The following MRPL33 variants were observed in gnomAD, a reference collection of about 807,000 sequenced individuals.
MRPL33 encodes large ribosomal subunit protein bL33m.
MRPL33 carries 5 observed loss-of-function variants against 10.1 expected under a neutral mutation model. The ratio of observed to expected loss-of-function variants is 0.49; its 90% CI spans 0.26 to 1.04. The LOEUF (loss-of-function observed/expected upper bound fraction) is 1.04, where lower values mean the gene tolerates loss of function less well. Among genes scored for constraint, MRPL33 ranks in the 50% least tolerant of loss-of-function variants. MRPL33 has a pLI of 0.14. For missense variants in MRPL33, 79 were observed against 78.1 expected, an observed-to-expected ratio of 1.01 and a Z score of -0.04; for synonymous variants, 24 against 27.7, an observed-to-expected ratio of 0.87 and a Z score of 0.42.
chr2:27,776,406 A>G (rs976835308), intron 3 of MRPL33, among the ~76,000 whole-genome samples: 3 of 152,262 alleles, frequency 2.0e-5, no homozygotes, highest in Non-Finnish European at 4.4e-5. Context: ...TTTTACTGTG[A>G]TGAGTAAATT....
intron 2 of MRPL33, among the ~76,000 whole-genome samples, chr2:27,773,568 T>C (rs1677092978): frequency 6.6e-6 from 1 of 152,244 alleles, no homozygotes; most frequent in Non-Finnish European, 1.5e-5. Flanking sequence ...CAACTCACCT[T>C]CCATACAGTA....
At position 27,779,596 on chromosome 2, in the gene MRPL33, C is replaced by A; in HGVS notation, c.*114C>A. The A allele has an allele frequency of 6.4e-7, 1 of 1,574,772 alleles. No homozygotes were observed. The highest frequency in any genetic ancestry group is 2.3e-5 in the East Asian group (1 of 44,418). On this transcript the variant is annotated 3_prime_UTR_variant, in exon 4 of 4. Transcript: ENST00000296102. ...AGAGGAAATGGCATGGAATCACTGCCTCCTGTGATTTGAAGGCCATTGTGA... is the reference window on the plus strand; with the variant it reads ...AGAGGAAATGGCATGGAATCACTGCATCCTGTGATTTGAAGGCCATTGTGA...
chr2:27,772,152 C>T (rs1158750600), intron 1 of MRPL33: 8 of 324,424 alleles, frequency 2.5e-5, no homozygotes, highest in Admixed American at 1.3e-4. Context: ...ATAAGGAAAC[C>T]GCTCCCGAGA....
At position 27,771,877 on chromosome 2, in the gene MRPL33, C is replaced by G. The variant is rs1023613160; in HGVS notation, c.22+78C>G. 2.8e-6 allele frequency: 4 copies of G among 1,424,544 alleles called. No homozygotes were observed. In the East Asian group the frequency reaches 6.9e-5, roughly 25 times the overall value. The allele number at this position is 1,424,544 out of a possible 1,614,324, so 88.2% of individuals were successfully genotyped here. ...TGACAGGCAGGGCCCCGGAATGATG[C>G]GGGGAAGGATGTGCGAACAGGACGG... On this transcript the variant is annotated intron_variant, in intron 1 of 3. Transcript: ENST00000296102.
In MRPL33 at chr2:27,774,718, C is replaced by G. The variant is rs144377777; in HGVS notation, c.148+188C>G. 6.7e-3 allele frequency among the ~76,000 whole-genome samples: 1,014 copies of G among 152,252 alleles called. 7 individuals carry two copies. Among genetic ancestry groups the G allele is most frequent in the African/African-American group, 0.024 (978 of 41,542 alleles). On this transcript the variant is annotated intron_variant, in intron 3 of 3. Coordinates refer to ENST00000296102, the MANE Select transcript of MRPL33 (RefSeq NM_004891.4). ...GATACACCAGGACACAAGACAAGTC[C>G]CTGTACTCTTGGCACTTAGTCTAGT...
intron 2 of MRPL33, 143 bp downstream of exon 2, chr2:27,772,835 A>C: frequency 1.6e-6 from 1 of 636,854 alleles, no homozygotes; most frequent in Non-Finnish European, 2.7e-6. Flanking sequence ...TTAGTTGATT[A>C]TTTTTTCTTT....
intron 3 of MRPL33, among the ~76,000 whole-genome samples, chr2:27,776,004 C>A (rs533278186): frequency 1.3e-5 from 2 of 152,248 alleles, no homozygotes; most frequent in Admixed American, 1.3e-4. Flanking sequence ...GACTGAGTAA[C>A]ATTCTGTGAT....
At chr2:27,774,829 G>A (rs1478896477) in intron 3 of MRPL33, among the ~76,000 whole-genome samples, 1 of 152,132 alleles carries the variant, frequency 6.6e-6, no homozygotes, top group African/African-American at 2.4e-5. Context: ...GTTGGAGAGT[G>A]GTAGGGAAAG....
intron 1 of MRPL33, chr2:27,772,124 C>G (rs1573022436): frequency 5.3e-6 from 2 of 376,640 alleles, no homozygotes; most frequent in Non-Finnish European, 9.5e-6. Flanking sequence ...TGCAGCCCAC[C>G]TATTTCGAAC....
intron 3 of MRPL33, among the ~76,000 whole-genome samples, chr2:27,775,897 A>T (rs1055033888): frequency 6.6e-6 from 1 of 152,164 alleles, no homozygotes; most frequent in South Asian, 2.1e-4. Flanking sequence ...TGGAAAAATG[A>T]TGAGGTTTGC....
chr2:27,774,377 A>C (rs375080416), intron 2 of MRPL33, 47 bp from the exon 3 acceptor site: 1 of 1,478,940 alleles, frequency 6.8e-7, no homozygotes, highest in Non-Finnish European at 9.5e-7. Context: ...GACTGATTTT[A>C]GTTTATTTCG....
chr2:27,772,169 A>G (rs535356689), intron 1 of MRPL33: 58 of 303,230 alleles, frequency 1.9e-4, no homozygotes, highest in Middle Eastern at 1.9e-3. Flanking sequence ...GAGAGGGGCA[A>G]TGAATTGCCT....
intron 3 of MRPL33, among the ~76,000 whole-genome samples, chr2:27,777,992 T>C (rs1404560593): frequency 6.6e-6 from 1 of 152,230 alleles, no homozygotes; most frequent in Non-Finnish European, 1.5e-5. Flanking sequence ...GTAGTCCTCC[T>C]TGGAGTTTTA....
At chr2:27,771,945 C>A in intron 1 of MRPL33, 146 bp downstream of exon 1, 1 of 845,044 alleles carries the variant, frequency 1.2e-6, no homozygotes, top group Non-Finnish European at 1.8e-6. Context: ...AGGACCACAG[C>A]GTCCGGCATG....
At chr2:27,774,750 G>C (rs185586363) in intron 3 of MRPL33, among the ~76,000 whole-genome samples, 1 of 152,210 alleles carries the variant, frequency 6.6e-6, no homozygotes, top group African/African-American at 2.4e-5. Context: ...TAGTCTGAGA[G>C]GGGGAGAAAA....
chr2:27,775,350 ATTT>A (rs67199907), intron 3 of MRPL33, among the ~76,000 whole-genome samples: 1 of 123,048 alleles, frequency 8.1e-6, no homozygotes, highest in Non-Finnish European at 1.6e-5. Flanking sequence ...TTTATAATTA[ATTT>A]TTTTTTTTTT....
chr2:27,774,263 T>C (rs1677106405), intron 2 of MRPL33, among the ~76,000 whole-genome samples, 161 bp from the exon 3 acceptor site: 1 of 152,222 alleles, frequency 6.6e-6, no homozygotes, highest in Non-Finnish European at 1.5e-5. Context: ...TGAAACTGTT[T>C]CATGGAAAAC....
At position 27,779,656 on chromosome 2, in the gene MRPL33, T is replaced by C. The variant is rs1677240464; in HGVS notation, c.*174T>C. The stretch of plus-strand genomic sequence containing the variant: ...ATGCAGTGAAAGAAAGTTCTTCATA[T>C]TAGGACAGATATCATTGCATCACAT... On this transcript the variant is annotated 3_prime_UTR_variant, in exon 4 of 4. Transcript: ENST00000296102. The C allele has an allele frequency of 1.6e-6, 2 of 1,255,302 alleles. No individual in the cohort carries two copies. Among genetic ancestry groups the C allele is most frequent in the Admixed American group, 5.1e-5 (2 of 39,552 alleles). 77.8% of individuals were successfully genotyped at this position (1,255,302 alleles called of 1,614,324 possible). A position where few individuals can be genotyped will look rare whatever the true frequency, so the allele number is the denominator to read the frequency against.
chr2:27,777,055 A>T (rs972708874), intron 3 of MRPL33, among the ~76,000 whole-genome samples: 1 of 152,122 alleles, frequency 6.6e-6, no homozygotes, highest in African/African-American at 2.4e-5. Context: ...TATTTATTTA[A>T]TTTTTTAAAA....
Sources: gnomAD v4.1 joint callset for allele counts (sites outside exome capture counted in the v4.1 genomes callset) on GRCh38, gnomAD v4.1.1 for gene constraint, MANE v1.5 for transcripts, NCBI Gene and HGNC (gene_info 2026-07-23, HGNC 2026-07-21) for gene names.